Variants in CNTN1 observed in about 807,000 individuals in gnomAD.
CNTN1 encodes the protein contactin 1, also known as contactin-1.
A neutral mutation model predicts 126.4 loss-of-function variants in CNTN1; 38 were observed. The observed-to-expected ratio is 0.30, with a 90% CI of 0.23 to 0.39. The LOEUF (loss-of-function observed/expected upper bound fraction) is 0.39. Among genes scored for constraint, CNTN1 ranks in the 10% least tolerant of loss-of-function variants. The pLI is 1.00. For missense variants in CNTN1, 1,009 were observed against 1,248.4 expected (o/e 0.81, Z 2.89); for synonymous variants, 413 against 422.6 (o/e 0.98, Z 0.28).
chr12:41,033,585 G>C (rs997014874), intron 23 of CNTN1, among the ~76,000 whole-genome samples: 2 of 152,010 alleles, frequency 1.3e-5, no homozygotes, highest in African/African-American at 4.8e-5. Context: ...ATTTTTCTAC[G>C]GAAAAGAAGT....
intron 1 of CNTN1, among the ~76,000 whole-genome samples, chr12:40,812,734 T>C (rs1941111771): frequency 6.6e-6 from 1 of 152,154 alleles, no homozygotes; most frequent in South Asian, 2.1e-4. Context: ...TCCATTTGCA[T>C]GGAATATCTT....
intron 1 of CNTN1, among the ~76,000 whole-genome samples, chr12:40,787,004 C>T (rs537975050): frequency 6.6e-6 from 1 of 152,050 alleles, no homozygotes; most frequent in African/African-American, 2.4e-5. Flanking sequence ...TTTATTCAAC[C>T]AATATTTGTC....
At chr12:41,010,446 C>A (rs1390516911) in intron 17 of CNTN1, among the ~76,000 whole-genome samples, 1 of 152,160 alleles carries the variant, frequency 6.6e-6, no homozygotes. Flanking sequence ...GTTTGCAGAG[C>A]AGCTATTAGT....
intron 1 of CNTN1, among the ~76,000 whole-genome samples, chr12:40,720,859 T>C (rs945947873): frequency 6.6e-6 from 1 of 151,594 alleles, no homozygotes; most frequent in Non-Finnish European, 1.5e-5. Context: ...AACCAGGGAG[T>C]TGGAGGTTGC....
Position 40,943,371 on chromosome 12 carries a change from C to A in CNTN1, c.1380-226C>A, listed in dbSNP as rs192822619. Among the ~76,000 whole-genome samples the A allele has an allele frequency of 2.6e-5, 4 of 151,702 alleles. No homozygotes were observed. The East Asian group carries it at 7.7e-4, about 29-fold the overall frequency. On this transcript the variant is annotated intron_variant, in intron 12 of 23. Coordinates refer to ENST00000551295, the MANE Select transcript of CNTN1 (RefSeq NM_001843.4). The stretch of plus-strand genomic sequence containing the variant: ...TGGAAGGTCAGTTAGAAGACTACGG[C>A]AATAGTTCAAGAAAAAGATGAAAGT...
chr12:40,973,628 G>A (rs537493111), intron 15 of CNTN1, among the ~76,000 whole-genome samples: 17 of 152,238 alleles, frequency 1.1e-4, no homozygotes, highest in African/African-American at 3.6e-4. Context: ...AATGTCACCA[G>A]TGTTTTTCCT....
At chr12:40,779,124 TA>T (rs1256423495) in intron 1 of CNTN1, among the ~76,000 whole-genome samples, 9 of 151,818 alleles carry the variant, frequency 5.9e-5, no homozygotes, top group South Asian at 4.1e-4. Flanking sequence ...AAATAATCTT[TA>T]TTTTTTTAAG....
intron 1 of CNTN1, among the ~76,000 whole-genome samples, chr12:40,768,954 A>G (rs935208161): frequency 2.0e-5 from 3 of 152,162 alleles, no homozygotes; most frequent in African/African-American, 7.2e-5. Flanking sequence ...TTCATATATA[A>G]ACATATATGT....
chr12:41,005,351 T>C (rs752389166), intron 17 of CNTN1, among the ~76,000 whole-genome samples: 3 of 152,222 alleles, frequency 2.0e-5, no homozygotes, highest in Non-Finnish European at 4.4e-5. Context: ...TCTCTCTAGC[T>C]GTCTTTAGCA....
In CNTN1 at chr12:40,968,431, T is replaced by A. The variant is rs143181481; in HGVS notation, c.1804+9197T>A. ...TCAGCTACTCAACTTTACACAGTTA[T>A]AATTACAATAGCAAAACCAATAAAT... On this transcript the variant is annotated intron_variant, in intron 15 of 23. Transcript: ENST00000551295. Among the ~76,000 whole-genome samples, 3 of 152,270 alleles carry A rather than the reference T, an allele frequency of 2.0e-5. No homozygotes were observed. The East Asian group carries it at 5.8e-4, about 29-fold the overall frequency.
chr12:41,016,004 A>T (rs1948771102), intron 18 of CNTN1, among the ~76,000 whole-genome samples: 1 of 152,192 alleles, frequency 6.6e-6, no homozygotes, highest in South Asian at 2.1e-4. Context: ...ACCTACTTTT[A>T]TTCCTCTTAC....
At position 40,925,800 on chromosome 12, in the gene CNTN1, T is replaced by TTATATATATATA. The variant is rs370971706; in HGVS notation, c.496+1166_496+1177dup. Among the ~76,000 whole-genome samples, 380 of 116,472 alleles carry TTATATATATATA rather than the reference T, an allele frequency of 3.3e-3. 2 individuals are homozygous for TTATATATATATA. Among genetic ancestry groups the TTATATATATATA allele is most frequent in the African/African-American group, 9.0e-3 (257 of 28,548 alleles). The allele number at this position is 116,472 out of a possible 152,430, so 76.4% of individuals were successfully genotyped here. Reference sequence around the variant, plus strand: ...CCTTTTTCTTAAGGAACTATTGAAATTATATATATATATATATATATATAT... The same window carrying TTATATATATATA: ...CCTTTTTCTTAAGGAACTATTGAAATTATATATATATATATATATATATATATATATATATAT... On this transcript the variant is annotated intron_variant, in intron 6 of 23. Transcript: ENST00000551295.
At chr12:40,727,075 T>C (rs1182640974) in intron 1 of CNTN1, among the ~76,000 whole-genome samples, 1 of 149,664 alleles carries the variant, frequency 6.7e-6, no homozygotes, top group Non-Finnish European at 1.5e-5. Flanking sequence ...ATTATAATAA[T>C]TAAAAATTTC....
chr12:40,797,496 G>GT (rs1256133606), intron 1 of CNTN1, among the ~76,000 whole-genome samples: 12 of 152,040 alleles, frequency 7.9e-5, no homozygotes, highest in Admixed American at 6.6e-4. Flanking sequence ...AATGTAGTGA[G>GT]TGGGGGAAAA....
chr12:41,053,428 A>ATATATATATATATAT (rs1949730499), intron 23 of CNTN1, among the ~76,000 whole-genome samples: 2 of 64,116 alleles, frequency 3.1e-5, no homozygotes, highest in African/African-American at 1.5e-4. Context: ...GTTTTCACTA[A>ATATATATATATATAT]ATATATATAT....
intron 1 of CNTN1, among the ~76,000 whole-genome samples, chr12:40,762,226 C>T (rs767542999): frequency 2.0e-5 from 3 of 152,126 alleles, no homozygotes; most frequent in Non-Finnish European, 4.4e-5. Context: ...CTAATATAGC[C>T]ATTTACAAGT....
In CNTN1 at chr12:40,959,182, T is replaced by C. The variant is rs1191103146; in HGVS notation, c.1752T>C (p.Thr584=). The change falls in exon 15 of 24, where the codon ACT becomes ACC. Residue 584 remains threonine (T), a synonymous_variant. Transcript: ENST00000551295. The part of the protein sequence containing the change: ...QLKHAGRYTC[T]AQTIVDNSSA... ...AACATGCTGGAAGATACACATGCAC[T>C]GCCCAGACAATTGTGGACAATTCTT... 1 of 1,612,830 alleles carries C rather than the reference T, an allele frequency of 6.2e-7. No homozygotes were observed. The highest frequency in any genetic ancestry group is 1.1e-5 in the South Asian group (1 of 91,074).
chr12:40,707,020 A>T (rs976487094), intron 1 of CNTN1, among the ~76,000 whole-genome samples: 1 of 151,372 alleles, frequency 6.6e-6, no homozygotes, highest in African/African-American at 2.4e-5. Flanking sequence ...AAACATACAT[A>T]TAAAGACGTG....
chr12:41,004,380 A>G (rs548278991), intron 17 of CNTN1, among the ~76,000 whole-genome samples: 5 of 152,200 alleles, frequency 3.3e-5, no homozygotes, highest in Non-Finnish European at 7.3e-5. Flanking sequence ...ATTCTTGAGC[A>G]TGTGCCATGT....
Sources: gnomAD v4.1 joint callset for allele counts (sites outside exome capture counted in the v4.1 genomes callset) on GRCh38, gnomAD v4.1.1 for gene constraint, MANE v1.5 for transcripts, NCBI Gene and HGNC (gene_info 2026-07-23, HGNC 2026-07-21) for gene names.